The following UGT1A9 variants were observed in gnomAD, a reference collection of about 807,000 sequenced individuals.
UGT1A9 encodes the protein UDP glucuronosyltransferase family 1 member A9.
Under a neutral mutation model 45.0 loss-of-function variants are expected in UGT1A9, and 35 were observed. The observed-to-expected ratio is 0.78, with a 90% confidence interval of 0.59 to 1.03. The LOEUF (loss-of-function observed/expected upper bound fraction) is 1.03, where lower values mean the gene tolerates loss of function less well. Among genes scored for constraint, UGT1A9 ranks in the 50% least tolerant of loss-of-function variants. UGT1A9 has a pLI of 0.00. For synonymous variants in UGT1A9, 278 were observed against 250.6 expected, an observed-to-expected ratio of 1.11 and a Z score of -1.03; for missense variants, 687 against 666.6, an observed-to-expected ratio of 1.03 and a Z score of -0.34.
At chr2:233,746,920 C>A (rs1023587712) in intron 1 of UGT1A9, among the ~76,000 whole-genome samples, 10 of 151,720 alleles carry the variant, frequency 6.6e-5, no homozygotes, top group Admixed American at 4.6e-4. Context: ...TTTCCACAGG[C>A]CTTTGTTGGG....
chr2:233,720,815 C>T (rs1284944346), intron 1 of UGT1A9, among the ~76,000 whole-genome samples: 2 of 151,724 alleles, frequency 1.3e-5, no homozygotes, highest in Non-Finnish European at 1.5e-5. Flanking sequence ...AAGAAATTCT[C>T]CCACCTCAGT....
At chr2:233,754,276 G>A (rs906718442) in intron 1 of UGT1A9, 4 of 190,364 alleles carry the variant, frequency 2.1e-5, no homozygotes, top group Admixed American at 1.6e-4. Context: ...AAAGTGCTGA[G>A]ATGAACATTC....
rs144217005 is a variant in UGT1A9 at position 233,760,613 on chromosome 2, T to C, written c.856-6421T>C. The C allele has an allele frequency of 1.5e-4, 247 of 1,614,256 alleles. No individual in the cohort carries two copies. In the African/African-American group the frequency reaches 3.0e-3, roughly 20 times the overall value. On this transcript the variant is annotated intron_variant, in intron 1 of 4. Transcript: ENST00000354728. The stretch of plus-strand genomic sequence containing the variant: ...GAGAATGATTCTTTCCTGCAGCGTG[T>C]GATCAAAACATACAAGAAAATAAAA...
intron 1 of UGT1A9, among the ~76,000 whole-genome samples, chr2:233,684,669 A>G (rs2074690541): frequency 6.6e-6 from 1 of 152,172 alleles, no homozygotes; most frequent in African/African-American, 2.4e-5. Flanking sequence ...TAAGGAATAT[A>G]CATATGATAG....
chr2:233,741,319 C>A (rs2125834585), intron 1 of UGT1A9, among the ~76,000 whole-genome samples: 1 of 151,674 alleles, frequency 6.6e-6, no homozygotes, highest in South Asian at 2.1e-4. Flanking sequence ...CCAACTCATT[C>A]TACTCTACCC....
At chr2:233,760,942 C>G (rs1253140529) in intron 1 of UGT1A9, 13 of 1,614,092 alleles carry the variant, frequency 8.1e-6, no homozygotes, top group Non-Finnish European at 1.1e-5. Flanking sequence ...TGCCTTTTCA[C>G]AGAACTTTCT....
At chr2:233,731,342 T>C (rs749214489) in intron 1 of UGT1A9, among the ~76,000 whole-genome samples, 10 of 152,040 alleles carry the variant, frequency 6.6e-5, no homozygotes, top group Non-Finnish European at 1.2e-4. Context: ...AATTGCAGGT[T>C]TGATACATAG....
chr2:233,740,171 G>A (rs920285091), intron 1 of UGT1A9, among the ~76,000 whole-genome samples: 9 of 151,848 alleles, frequency 5.9e-5, no homozygotes, highest in African/African-American at 2.2e-4. Flanking sequence ...ATGTGGAACT[G>A]TGAGTCAATT....
At chr2:233,719,619 AG>A in intron 1 of UGT1A9, 1 of 1,614,060 alleles carries the variant, frequency 6.2e-7, no homozygotes, top group Non-Finnish European at 8.5e-7. Context: ...GGACTACCCC[AG>A]GCCGATCATG....
At chr2:233,697,544 C>A (rs2075397492) in intron 1 of UGT1A9, among the ~76,000 whole-genome samples, 1 of 149,170 alleles carries the variant, frequency 6.7e-6, no homozygotes, top group African/African-American at 2.5e-5. Flanking sequence ...TTGGTCTTTG[C>A]ATTGTTTATT....
At position 233,769,464 on chromosome 2, in the gene UGT1A9, C is replaced by CGTGT; in HGVS notation, c.1295+1037_1295+1040dup. The CGTGT allele has an allele frequency of 2.0e-6, 3 of 1,503,202 alleles. No individual in the cohort carries two copies. The highest frequency in any genetic ancestry group is 2.4e-5 in the South Asian group (2 of 84,104). The allele number at this position is 1,503,202 out of a possible 1,614,324, so 93.1% of individuals were successfully genotyped here. On this transcript the variant is annotated intron_variant, in intron 4 of 4. Transcript: ENST00000354728. The surrounding 1 kb of genome is among the most constrained non-coding windows in gnomAD (Gnocchi z 4.4). ...GGGTGCACACGTGTGCATTCATATG[C>CGTGT]GTGTGTGTGTGTGTGCGTGTGTTTA...
At chr2:233,736,365 T>C (rs969556096) in intron 1 of UGT1A9, among the ~76,000 whole-genome samples, 1 of 152,210 alleles carries the variant, frequency 6.6e-6, no homozygotes, top group Non-Finnish European at 1.5e-5. Context: ...CTCCATCAGG[T>C]CATTTAAGGT....
chr2:233,699,724 G>A (rs908175905), intron 1 of UGT1A9, among the ~76,000 whole-genome samples: 2 of 152,272 alleles, frequency 1.3e-5, no homozygotes, highest in South Asian at 2.1e-4. Context: ...CATTTTTTAC[G>A]GAGCGTTTTC....
intron 1 of UGT1A9, among the ~76,000 whole-genome samples, chr2:233,765,411 G>A (rs1367476072): frequency 6.6e-6 from 1 of 152,138 alleles, no homozygotes; most frequent in East Asian, 1.9e-4. Flanking sequence ...ATACACCATG[G>A]AATACTATGC....
intron 1 of UGT1A9, among the ~76,000 whole-genome samples, chr2:233,706,484 G>A (rs1195112005): frequency 1.3e-5 from 2 of 152,226 alleles, no homozygotes; most frequent in Non-Finnish European, 2.9e-5. Flanking sequence ...GGGTACATGA[G>A]GGTGTCCAGG....
intron 1 of UGT1A9, among the ~76,000 whole-genome samples, chr2:233,756,797 C>T (rs954051942): frequency 2.0e-5 from 3 of 151,992 alleles, no homozygotes. Context: ...GGGCAATACA[C>T]TAGTAAAGGT....
Position 233,767,155 on chromosome 2 carries a change from T to C in UGT1A9, c.977T>C (p.Ile326Thr), listed in dbSNP as rs202035422. The change falls in exon 2 of 5, where the codon ATC (isoleucine) becomes ACC (threonine). Residue 326 changes from isoleucine (I) to threonine (T), a missense_variant. Ile to Thr is a moderately conservative substitution (Grantham distance 89). Transcript: ENST00000354728. The stretch of plus-strand genomic sequence containing the variant: ...GCAATTGCTGATGCTTTGGGCAAAA[T>C]CCCTCAGACAGTAAGAAGATTCTAT... ...AMAIADALGK[I>T]PQTVLWRYTG... 6.2e-7 allele frequency: 1 copy of C among 1,614,056 alleles called. No homozygotes were observed. Among genetic ancestry groups the C allele is most frequent in the Non-Finnish European group, 8.5e-7 (1 of 1,179,996 alleles).
intron 1 of UGT1A9, among the ~76,000 whole-genome samples, chr2:233,700,840 T>G (rs891467529): frequency 9.9e-5 from 15 of 152,232 alleles, no homozygotes; most frequent in Middle Eastern, 3.4e-3. Context: ...TCATTTAGCA[T>G]TAGGTATATC....
At chr2:233,762,211 C>A (rs1050554515) in intron 1 of UGT1A9, among the ~76,000 whole-genome samples, 4 of 152,108 alleles carry the variant, frequency 2.6e-5, no homozygotes, top group Non-Finnish European at 5.9e-5. Context: ...GTATTTGGCG[C>A]CCCATAAATC....
Sources: allele counts gnomAD v4.1 joint callset (sites outside exome capture counted in the v4.1 genomes callset), GRCh38; gene constraint gnomAD v4.1.1; non-coding constraint Gnocchi (gnomAD v3.1); transcripts MANE v1.5; gene names NCBI Gene and HGNC (gene_info 2026-07-23, HGNC 2026-07-21).